NPAS3: variants seen among roughly 807,000 people sequenced by gnomAD.
The protein encoded by NPAS3 is neuronal PAS domain-containing protein 3.
In NPAS3, 14 loss-of-function variants were observed where a neutral mutation model predicts 73.1. That is an observed-to-expected ratio of 0.19 (90% CI 0.13 to 0.30). The LOEUF is 0.30. Ranked by LOEUF, NPAS3 falls within the 10% of genes least tolerant of loss-of-function variation. NPAS3 has a pLI of 1.00. For missense variants in NPAS3, 1,096 were observed against 1,250.0 expected (o/e 0.88, Z 1.86); for synonymous variants, 620 against 541.5 (o/e 1.14, Z -2.01).
intron 1 of NPAS3, among the ~76,000 whole-genome samples, chr14:33,017,639 A>G (rs1376645222): frequency 6.6e-6 from 1 of 152,196 alleles, no homozygotes; most frequent in Non-Finnish European, 1.5e-5. Context: ...GTGGGGGTTA[A>G]GGGTGGTCTA....
chr14:33,357,837 T>C (rs1482771659), intron 3 of NPAS3, among the ~76,000 whole-genome samples: 1 of 152,172 alleles, frequency 6.6e-6, no homozygotes, highest in Non-Finnish European at 1.5e-5. Context: ...ACATGTCACA[T>C]GTCCTCACAA....
intron 2 of NPAS3, among the ~76,000 whole-genome samples, chr14:33,067,861 A>G (rs970461934): frequency 3.9e-5 from 6 of 152,094 alleles, no homozygotes; most frequent in Non-Finnish European, 8.8e-5. Flanking sequence ...CTTTATCTTC[A>G]TTTATATAGT....
intron 2 of NPAS3, among the ~76,000 whole-genome samples, chr14:33,170,224 A>G (rs1410721601): frequency 6.6e-6 from 1 of 152,232 alleles, no homozygotes; most frequent in Non-Finnish European, 1.5e-5. Flanking sequence ...TTCCAAGTGC[A>G]TATAAAAGTT....
intron 6 of NPAS3, among the ~76,000 whole-genome samples, chr14:33,717,748 T>C (rs2060996475): frequency 6.6e-6 from 1 of 152,086 alleles, no homozygotes; most frequent in Admixed American, 6.6e-5. Flanking sequence ...CAGTGGGTGT[T>C]TTAAAGTACA....
chr14:32,938,524 A>AG (rs755281473), upstream of NPAS3, among the ~76,000 whole-genome samples: 1,394 of 95,870 alleles, frequency 0.015, 8 homozygotes, highest in South Asian at 0.02. Context: ...AGAGAGAGAG[A>AG]AGGGGGGGGA....
intron 7 of NPAS3, among the ~76,000 whole-genome samples, chr14:33,765,889 G>GA (rs1020916048): frequency 1.3e-5 from 2 of 152,102 alleles, no homozygotes; most frequent in Non-Finnish European, 2.9e-5. Context: ...TGTCGATTTA[G>GA]AAAATCTGAA....
intron 2 of NPAS3, among the ~76,000 whole-genome samples, chr14:33,068,951 G>A (rs769064526): frequency 2.7e-4 from 41 of 152,138 alleles, no homozygotes; most frequent in Non-Finnish European, 4.7e-4. Context: ...ATGCTGGCGG[G>A]CCAGGGAGGG....
chr14:32,953,035 C>T (rs1190529653), intron 1 of NPAS3, among the ~76,000 whole-genome samples: 1 of 151,322 alleles, frequency 6.6e-6, no homozygotes, highest in African/African-American at 2.4e-5. Flanking sequence ...CATACCATTG[C>T]ACTCCAGCCT....
At chr14:33,529,740 T>A (rs1373339524) in intron 4 of NPAS3, among the ~76,000 whole-genome samples, 1 of 151,802 alleles carries the variant, frequency 6.6e-6, no homozygotes, top group Admixed American at 6.6e-5. Context: ...ACCGTGAACA[T>A]CCCCAGAAAA....
At chr14:33,724,165 A>G (rs2061197298) in intron 6 of NPAS3, among the ~76,000 whole-genome samples, 2 of 152,170 alleles carry the variant, frequency 1.3e-5, no homozygotes, top group South Asian at 4.1e-4. Context: ...AATGGGATGT[A>G]TTTGCAAGAA....
chr14:33,629,222 G>A (rs1483104711), intron 5 of NPAS3, among the ~76,000 whole-genome samples: 3 of 143,888 alleles, frequency 2.1e-5, no homozygotes, highest in South Asian at 4.4e-4. Context: ...GTGACAGAGC[G>A]AGACTCCATC....
chr14:33,404,759 T>G (rs1277905933), intron 4 of NPAS3, among the ~76,000 whole-genome samples: 1 of 152,134 alleles, frequency 6.6e-6, no homozygotes, highest in Non-Finnish European at 1.5e-5. Context: ...CATAGGAGTT[T>G]ATGGAGAATG....
chr14:33,643,397 AAC>A (rs1491434606), intron 5 of NPAS3, among the ~76,000 whole-genome samples: 1 of 129,472 alleles, frequency 7.7e-6, no homozygotes, highest in African/African-American at 2.8e-5. Flanking sequence ...AAAAAAAAAA[AAC>A]GAGAGAGATG....
intron 5 of NPAS3, among the ~76,000 whole-genome samples, chr14:33,635,137 G>A (rs940944599): frequency 5.9e-5 from 9 of 152,168 alleles, no homozygotes; most frequent in African/African-American, 1.4e-4. Context: ...ACAGAAGGGC[G>A]TACATTGTGC....
intron 4 of NPAS3, among the ~76,000 whole-genome samples, chr14:33,400,991 T>A (rs1356787039): frequency 6.6e-6 from 1 of 151,984 alleles, no homozygotes; most frequent in Non-Finnish European, 1.5e-5. Context: ...TGGAAAGGAG[T>A]AGCCGTGTTA....
intron 4 of NPAS3, among the ~76,000 whole-genome samples, chr14:33,557,714 A>G (rs537185741): frequency 5.3e-5 from 8 of 152,374 alleles, no homozygotes; most frequent in East Asian, 3.9e-4. Flanking sequence ...TCACGCCTGT[A>G]ATCCCAGCAC....
intron 6 of NPAS3, among the ~76,000 whole-genome samples, chr14:33,721,528 C>T (rs889574574): frequency 6.6e-6 from 1 of 152,124 alleles, no homozygotes; most frequent in Non-Finnish European, 1.5e-5. Flanking sequence ...AGACTAAAAG[C>T]AATATTGTCT....
intron 2 of NPAS3, among the ~76,000 whole-genome samples, chr14:33,064,905 T>A (rs906335984): frequency 6.6e-6 from 1 of 152,148 alleles, no homozygotes; most frequent in African/African-American, 2.4e-5. Context: ...CTGGGAAATG[T>A]CTGGGACGAG....
intron 4 of NPAS3, among the ~76,000 whole-genome samples, chr14:33,539,618 C>G (rs2054417130): frequency 6.6e-6 from 1 of 152,056 alleles, no homozygotes; most frequent in South Asian, 2.1e-4. Context: ...TACTTTCTGC[C>G]CATCCCCAAG....
Sources: gnomAD v4.1 joint callset for allele counts (sites outside exome capture counted in the v4.1 genomes callset) on GRCh38, gnomAD v4.1.1 for gene constraint, MANE v1.5 for transcripts, NCBI Gene and HGNC (gene_info 2026-07-23, HGNC 2026-07-21) for gene names.